ANO3: variants seen among roughly 807,000 people sequenced by gnomAD.
ANO3 encodes the protein anoctamin-3.
Under a neutral mutation model 144.8 loss-of-function variants are expected in ANO3, and 99 were observed. The ratio of observed to expected loss-of-function variants is 0.68; its 90% confidence interval spans 0.58 to 0.81. The LOEUF (loss-of-function observed/expected upper bound fraction) is 0.81, where lower values mean the gene tolerates loss of function less well. ANO3 is among the 30% of genes least tolerant of loss of function. The pLI, the probability that ANO3 is intolerant of heterozygous loss-of-function variation, is 0.00. For missense variants in ANO3, 905 were observed against 1,202.2 expected (o/e 0.75, Z 3.66); for synonymous variants, 414 against 392.6 (o/e 1.05, Z -0.64).
chr11:26,496,692 A>C (rs1331740826), intron 4 of ANO3, among the ~76,000 whole-genome samples: 2 of 152,028 alleles, frequency 1.3e-5, no homozygotes, highest in Non-Finnish European at 2.9e-5. Context: ...CTCACTCTCC[A>C]AGCCTCAAAT....
At chr11:26,421,818 C>T (rs1214367490) in intron 1 of ANO3, among the ~76,000 whole-genome samples, 1 of 152,014 alleles carries the variant, frequency 6.6e-6, no homozygotes, top group African/African-American at 2.4e-5. Flanking sequence ...ACCTTGAGGC[C>T]ATTATCCTTA....
chr11:26,603,956 T>C (rs1208257285), intron 17 of ANO3, among the ~76,000 whole-genome samples: 1 of 152,136 alleles, frequency 6.6e-6, no homozygotes, highest in Non-Finnish European at 1.5e-5. Flanking sequence ...TTTGTGATGG[T>C]CATCCAAGCC....
Position 26,443,854 on chromosome 11 carries a change from AT to A in ANO3, c.313+21del. On this transcript the variant is annotated intron_variant, in intron 3 of 26. Transcript: ENST00000256737. ...TTGTTTGGGTAAGTTGATAATCAGTATTTACCTACTCCTTTCCCTCTCTCCA... is the reference window on the plus strand; with the variant it reads ...TTGTTTGGGTAAGTTGATAATCAGTATTACCTACTCCTTTCCCTCTCTCCA... 6.4e-7 allele frequency: 1 copy of A among 1,555,716 alleles called. No homozygotes were observed.
intron 1 of ANO3, among the ~76,000 whole-genome samples, chr11:26,248,641 T>A (rs929048048): frequency 1.3e-5 from 2 of 152,244 alleles, no homozygotes; most frequent in African/African-American, 4.8e-5. Context: ...TGTATGCAGA[T>A]GTTTATTCAG....
chr11:26,642,641 G>A (rs957902996), intron 22 of ANO3, among the ~76,000 whole-genome samples: 4 of 151,892 alleles, frequency 2.6e-5, no homozygotes, highest in Non-Finnish European at 2.9e-5. Context: ...CTGAGCCACC[G>A]CACCTGGCCA....
chr11:26,364,704 C>T (rs1008720012), intron 1 of ANO3, among the ~76,000 whole-genome samples: 3 of 152,144 alleles, frequency 2.0e-5, no homozygotes, highest in African/African-American at 2.4e-5. Flanking sequence ...GAAAATAGCA[C>T]CAAGGGGATG....
chr11:26,451,580 A>G (rs921945327), intron 3 of ANO3, among the ~76,000 whole-genome samples: 17 of 152,224 alleles, frequency 1.1e-4, no homozygotes, highest in Non-Finnish European at 2.1e-4. Context: ...CAAAGCAGGC[A>G]GGAAGCTCCA....
chr11:26,371,508 C>G (rs577717445), intron 1 of ANO3, among the ~76,000 whole-genome samples: 1 of 152,306 alleles, frequency 6.6e-6, no homozygotes, highest in East Asian at 1.9e-4. Flanking sequence ...TCATCATCAT[C>G]CTTTAGACCC....
chr11:26,641,273 C>A (rs1318626749), intron 21 of ANO3, among the ~76,000 whole-genome samples: 1 of 152,180 alleles, frequency 6.6e-6, no homozygotes, highest in Admixed American at 6.5e-5. Flanking sequence ...ATAATAATCA[C>A]TAACACTTAG....
At chr11:26,573,213 G>A (rs191108125) in intron 14 of ANO3, among the ~76,000 whole-genome samples, 2 of 152,264 alleles carry the variant, frequency 1.3e-5, no homozygotes, top group Admixed American at 1.3e-4. Flanking sequence ...GGAATGCAAA[G>A]AATCTGCCCA....
chr11:26,482,154 A>C (rs1471369972), intron 4 of ANO3, among the ~76,000 whole-genome samples: 2 of 151,846 alleles, frequency 1.3e-5, no homozygotes, highest in African/African-American at 2.4e-5. Flanking sequence ...CACTGCAGCC[A>C]TCCAAAGTTC....
At chr11:26,422,995 A>T (rs1857797793) in intron 1 of ANO3, among the ~76,000 whole-genome samples, 1 of 152,006 alleles carries the variant, frequency 6.6e-6, no homozygotes, top group Admixed American at 6.6e-5. Context: ...TTAAAGATAT[A>T]TGGGCAGGAA....
intron 3 of ANO3, among the ~76,000 whole-genome samples, chr11:26,454,908 G>C (rs915201151): frequency 1.4e-4 from 20 of 147,116 alleles, no homozygotes; most frequent in Non-Finnish European, 2.7e-4. Flanking sequence ...GGGATGCAAG[G>C]CTGGTTCAAT....
Position 26,561,338 on chromosome 11 carries a change from T to A in ANO3, c.1447+1559T>A, listed in dbSNP as rs960007351. On this transcript the variant is annotated intron_variant, in intron 14 of 26. Coordinates refer to ENST00000256737, the MANE Select transcript of ANO3 (RefSeq NM_031418.4). ...AGATGAGAAAATAAATATATTTTTA[T>A]ATGGGCTTTTTAGATTTTAGTTTTA... 6.7e-6 allele frequency: 5 copies of A among 740,864 alleles called. No individual in the cohort carries two copies. In the South Asian group the frequency reaches 1.5e-4, roughly 22 times the overall value. 45.9% of individuals were successfully genotyped at this position (740,864 alleles called of 1,614,324 possible).
At chr11:26,400,258 T>C (rs187606070) in intron 1 of ANO3, among the ~76,000 whole-genome samples, 93 of 152,190 alleles carry the variant, frequency 6.1e-4, no homozygotes, top group African/African-American at 2.2e-3. Flanking sequence ...GGATTGCTGG[T>C]ACATTTTCAT....
chr11:26,349,886 G>A (rs1184530733), intron 1 of ANO3, among the ~76,000 whole-genome samples: 1 of 152,138 alleles, frequency 6.6e-6, no homozygotes, highest in African/African-American at 2.4e-5. Context: ...CAGAGAAGAA[G>A]GAATCTTCCA....
intron 4 of ANO3, among the ~76,000 whole-genome samples, chr11:26,491,612 A>G (rs1860712446): frequency 6.6e-6 from 1 of 152,252 alleles, no homozygotes; most frequent in South Asian, 2.1e-4. Context: ...TGTCAGGAAT[A>G]AAGAAACAGC....
At chr11:26,652,523 T>A (rs1217180701) in intron 24 of ANO3, among the ~76,000 whole-genome samples, 3 of 149,832 alleles carry the variant, frequency 2.0e-5, no homozygotes, top group East Asian at 3.9e-4. Context: ...CCTGGATCTC[T>A]TCTTCTTTCC....
At chr11:26,531,362 G>A in intron 8 of ANO3, 26 bp downstream of exon 8, 1 of 1,588,752 alleles carries the variant, frequency 6.3e-7, no homozygotes, top group Non-Finnish European at 8.5e-7. Flanking sequence ...TTTTCATACT[G>A]CCTACCTTTA....
Sources: gnomAD v4.1 joint callset for allele counts (sites outside exome capture counted in the v4.1 genomes callset) on GRCh38, gnomAD v4.1.1 for gene constraint, MANE v1.5 for transcripts, NCBI Gene and HGNC (gene_info 2026-07-23, HGNC 2026-07-21) for gene names.